Variants in KHDRBS1 observed in about 807,000 individuals in gnomAD.
KHDRBS1 encodes the protein KH RNA binding domain containing, signal transduction associated 1, also known as KH domain-containing, RNA-binding, signal transduction-associated protein 1.
A neutral mutation model predicts 48.4 loss-of-function variants in KHDRBS1; 7 were observed. The ratio of observed to expected loss-of-function variants is 0.14; its 90% CI spans 0.08 to 0.27. The LOEUF is 0.27. Among genes scored for constraint, KHDRBS1 ranks in the 10% least tolerant of loss-of-function variants. The pLI, the probability that KHDRBS1 is intolerant of heterozygous loss-of-function variation, is 1.00. For missense variants in KHDRBS1, 458 were observed against 601.2 expected (o/e 0.76, Z 2.49); for synonymous variants, 241 against 235.8 (o/e 1.02, Z -0.20).
In KHDRBS1 at chr1:32,022,762, G is replaced by A. The variant is rs573051036; in HGVS notation, c.383-7536G>A. ...AAATTAGCCAGGTGTGGTGGCATGC[G>A]CCTATAGTCACCAGCTACTCGGGAG... On this transcript the variant is annotated intron_variant, in intron 1 of 8. Transcript: ENST00000327300. 4.6e-5 allele frequency among the ~76,000 whole-genome samples: 7 copies of A among 152,024 alleles called. 1 individual carries two copies. In the South Asian group the frequency reaches 1.2e-3, roughly 27 times the overall value.
At chr1:32,030,872 C>T (rs1360874970) in intron 2 of KHDRBS1, among the ~76,000 whole-genome samples, 1 of 148,726 alleles carries the variant, frequency 6.7e-6, no homozygotes, top group African/African-American at 2.5e-5. Context: ...CATTTAGTTA[C>T]ATTTAGTTTA....
At chr1:32,017,274 CA>C (rs2124353924) in intron 1 of KHDRBS1, among the ~76,000 whole-genome samples, 1 of 151,140 alleles carries the variant, frequency 6.6e-6, no homozygotes, top group Non-Finnish European at 1.5e-5. Context: ...AAAAAAAAGA[CA>C]AAATTTTGAG....
chr1:32,035,382 G>T (rs932333490), intron 4 of KHDRBS1, among the ~76,000 whole-genome samples: 2 of 152,124 alleles, frequency 1.3e-5, no homozygotes, highest in African/African-American at 4.8e-5. Flanking sequence ...AGAGAGTTGA[G>T]GGGGGCATCA....
intron 5 of KHDRBS1, 93 bp from the exon 6 acceptor site, chr1:32,037,742 A>C: frequency 7.2e-7 from 1 of 1,392,826 alleles, no homozygotes; most frequent in Non-Finnish European, 1.0e-6. Flanking sequence ...GGCTTCATAA[A>C]ATCTGCCTAA....
intron 4 of KHDRBS1, among the ~76,000 whole-genome samples, chr1:32,033,995 T>G (rs559891950): frequency 2.6e-5 from 4 of 152,228 alleles, no homozygotes; most frequent in Non-Finnish European, 5.9e-5. Context: ...AATATTACTT[T>G]GAATAAATAG....
intron 2 of KHDRBS1, among the ~76,000 whole-genome samples, chr1:32,031,092 T>C (rs1639073473): frequency 6.6e-6 from 1 of 151,918 alleles, no homozygotes; most frequent in Admixed American, 6.6e-5. Context: ...CTACAAAAAA[T>C]ACAAAAATTA....
intron 1 of KHDRBS1, among the ~76,000 whole-genome samples, chr1:32,027,762 CAA>C (rs1390526556): frequency 1.3e-5 from 2 of 152,136 alleles, no homozygotes; most frequent in Non-Finnish European, 2.9e-5. Context: ...ATGTCAGAGT[CAA>C]AGTTATTTTT....
intron 1 of KHDRBS1, among the ~76,000 whole-genome samples, chr1:32,019,663 A>G (rs939743748): frequency 6.6e-6 from 1 of 152,262 alleles, no homozygotes; most frequent in Non-Finnish European, 1.5e-5. Context: ...AGTACATCCC[A>G]TAAGACTACA....
intron 6 of KHDRBS1, 72 bp from the exon 7 acceptor site, chr1:32,038,480 G>A (rs1639225373): frequency 2.1e-6 from 3 of 1,441,504 alleles, no homozygotes; most frequent in Non-Finnish European, 2.9e-6. Context: ...TTACTCCCAT[G>A]GGATGTAATT....
chr1:32,018,979 C>T (rs1480772277), intron 1 of KHDRBS1, among the ~76,000 whole-genome samples: 1 of 151,488 alleles, frequency 6.6e-6, no homozygotes, highest in Non-Finnish European at 1.5e-5. Flanking sequence ...CCTGTAATTC[C>T]AGCTACTCAG....
chr1:32,019,510 A>G (rs1638813208), intron 1 of KHDRBS1, among the ~76,000 whole-genome samples: 1 of 152,184 alleles, frequency 6.6e-6, no homozygotes, highest in Non-Finnish European at 1.5e-5. Context: ...AGATCTAGCC[A>G]ACAAGTGAAA....
chr1:32,050,262 T>G (rs777853491), intron 10 of KHDRBS1, among the ~76,000 whole-genome samples: 1 of 152,170 alleles, frequency 6.6e-6, no homozygotes, highest in Non-Finnish European at 1.5e-5. Context: ...TATTAGCGAG[T>G]TGTAAGTTCT....
downstream of KHDRBS1, among the ~76,000 whole-genome samples, chr1:32,046,409 T>G (rs1314080588): frequency 1.3e-5 from 2 of 152,158 alleles, no homozygotes; most frequent in Admixed American, 1.3e-4. Flanking sequence ...GAGACGAGGT[T>G]TCACCTTATT....
chr1:32,014,058 G>A lies in KHDRBS1; in HGVS notation c.63G>A (p.Met21Ile). The A allele has an allele frequency of 1.3e-6, 2 of 1,507,998 alleles. No individual in the cohort carries two copies. The highest frequency in any genetic ancestry group is 2.1e-5 in the Admixed American group (1 of 46,946). The allele number at this position is 1,507,998 out of a possible 1,614,324, so 93.4% of individuals were successfully genotyped here. ...GGTCTTCGGGCCGTAGCGGCTCCAT[G>A]GACCCCTCCGGTGCCCACCCCTCGG... ...MSRSSGRSGS[M>I]DPSGAHPSVR... The change falls in exon 1 of 9, where the codon ATG becomes ATA. Residue 21 changes from methionine (M) to isoleucine (I), a missense_variant. Physicochemically the swap from Met to Ile is conservative, Grantham distance 10 (BLOSUM62 1). This residue lies in a region of KHDRBS1 where 213 missense variants were observed against 215.6 expected (regional missense o/e 0.99). Transcript: ENST00000327300.
intron 1 of KHDRBS1, among the ~76,000 whole-genome samples, chr1:32,027,215 AG>A (rs1215099676): frequency 6.6e-6 from 1 of 152,200 alleles, no homozygotes; most frequent in Non-Finnish European, 1.5e-5. Context: ...TACAGGCATG[AG>A]CCACCTCTCC....
At chr1:32,025,923 A>ATATATATT (rs1168558140) in intron 1 of KHDRBS1, among the ~76,000 whole-genome samples, 3 of 144,242 alleles carry the variant, frequency 2.1e-5, no homozygotes, top group Non-Finnish European at 4.5e-5. Context: ...TTAAATATAT[A>ATATATATT]TATATATTTA....
At chr1:32,046,817 T>A (rs1478660565), downstream of KHDRBS1, among the ~76,000 whole-genome samples, 1 of 152,168 alleles carries the variant, frequency 6.6e-6, no homozygotes, top group Non-Finnish European at 1.5e-5. Context: ...TCTCAGCCTG[T>A]GAGAGATCTG....
chr1:32,021,911 A>G (rs1638864834), intron 1 of KHDRBS1, among the ~76,000 whole-genome samples: 1 of 151,670 alleles, frequency 6.6e-6, no homozygotes, highest in Non-Finnish European at 1.5e-5. Context: ...TCAGCCTCCC[A>G]AAGTGCTGGG....
chr1:32,040,831 C>G (rs1352954308), intron 8 of KHDRBS1, among the ~76,000 whole-genome samples: 1 of 152,172 alleles, frequency 6.6e-6, no homozygotes, highest in Non-Finnish European at 1.5e-5. Flanking sequence ...AAGAGGAGCC[C>G]CTTAGGGCCT....
Sources: gnomAD v4.1 joint callset for allele counts (sites outside exome capture counted in the v4.1 genomes callset) on GRCh38, gnomAD v4.1.1 for gene constraint, gnomAD v4.1.1 regional missense constraint, MANE v1.5 for transcripts, NCBI Gene and HGNC (gene_info 2026-07-23, HGNC 2026-07-21) for gene names.